The following NBEA variants were observed in gnomAD, a reference collection of about 807,000 sequenced individuals.
NBEA encodes lysosomal-trafficking regulator 2.
In NBEA, 44 loss-of-function variants were observed where a neutral mutation model predicts 343.4. The observed-to-expected ratio is 0.13, with a 90% confidence interval of 0.10 to 0.16. The LOEUF (loss-of-function observed/expected upper bound fraction) is 0.16, where lower values mean the gene tolerates loss of function less well. Ranked by LOEUF, NBEA falls within the 10% of genes least tolerant of loss-of-function variation. The probability of loss-of-function intolerance (pLI) is 1.00; values close to 1 mark genes in which losing one functional copy is unlikely to be tolerated. For missense variants in NBEA, 2,555 were observed against 3,631.3 expected (o/e 0.70, Z 7.62); for synonymous variants, 1,175 against 1,238.7 (o/e 0.95, Z 1.08).
intron 38 of NBEA, among the ~76,000 whole-genome samples, chr13:35,395,049 G>T (rs2042679809): frequency 6.6e-6 from 1 of 151,958 alleles, no homozygotes; most frequent in Admixed American, 6.6e-5. Context: ...CCGATATTTG[G>T]AGTGTTCATA....
intron 8 of NBEA, among the ~76,000 whole-genome samples, chr13:35,068,031 A>G (rs977861095): frequency 1.3e-5 from 2 of 152,106 alleles, no homozygotes; most frequent in Admixed American, 6.6e-5. Context: ...AGCATAGTAC[A>G]TGTCCGCCTT....
At chr13:35,293,864 T>C (rs2035949386) in intron 35 of NBEA, among the ~76,000 whole-genome samples, 1 of 152,066 alleles carries the variant, frequency 6.6e-6, no homozygotes, top group African/African-American at 2.4e-5. Context: ...CAGATGGCAC[T>C]TGCATTTTTC....
chr13:35,180,040 A>G (rs1206751570), intron 28 of NBEA, among the ~76,000 whole-genome samples: 1 of 151,832 alleles, frequency 6.6e-6, no homozygotes, highest in Non-Finnish European at 1.5e-5. Context: ...CCCATTAGCC[A>G]GACTGTTTTA....
At chr13:35,527,286 T>G (rs1168171947) in intron 41 of NBEA, among the ~76,000 whole-genome samples, 2 of 152,144 alleles carry the variant, frequency 1.3e-5, no homozygotes, top group Non-Finnish European at 2.9e-5. Context: ...CGGTCATCAA[T>G]GAAGTCTTCC....
intron 8 of NBEA, among the ~76,000 whole-genome samples, chr13:35,067,599 C>T (rs1222074401): frequency 6.6e-6 from 1 of 152,066 alleles, no homozygotes; most frequent in African/African-American, 2.4e-5. Flanking sequence ...TTTGCAGTCA[C>T]TCCTCATTCT....
At chr13:35,535,070 C>G (rs1445688878) in intron 41 of NBEA, among the ~76,000 whole-genome samples, 1 of 151,848 alleles carries the variant, frequency 6.6e-6, no homozygotes, top group African/African-American at 2.4e-5. Flanking sequence ...TTTTCGTTGC[C>G]TGCAAGTCGG....
At chr13:35,369,206 G>GAAAC (rs2041295369) in intron 38 of NBEA, among the ~76,000 whole-genome samples, 1 of 107,618 alleles carries the variant, frequency 9.3e-6, no homozygotes, top group African/African-American at 3.6e-5. Context: ...CACTGTTTTT[G>GAAAC]AAAATCAGTT....
chr13:35,512,169 ACAG>A (rs1227447714), intron 41 of NBEA, among the ~76,000 whole-genome samples: 3 of 152,228 alleles, frequency 2.0e-5, no homozygotes, highest in Non-Finnish European at 4.4e-5. Context: ...TGTTTGCACT[ACAG>A]GTACACAACA....
chr13:35,092,073 A>G (rs953802932), intron 10 of NBEA, among the ~76,000 whole-genome samples: 10 of 152,140 alleles, frequency 6.6e-5, no homozygotes, highest in South Asian at 6.2e-4. Context: ...GTAAACACAT[A>G]TATCAGTGAA....
intron 38 of NBEA, among the ~76,000 whole-genome samples, chr13:35,389,309 A>G (rs1463686974): frequency 6.6e-6 from 1 of 152,108 alleles, no homozygotes; most frequent in Non-Finnish European, 1.5e-5. Context: ...TAGGAAAATA[A>G]TACTTCCTTA....
Position 34,983,645 on chromosome 13 carries a change from A to G in NBEA, c.294+40531A>G, listed in dbSNP as rs1274297373. On this transcript the variant is annotated intron_variant, in intron 1 of 58. Transcript: ENST00000379939. ...TAGTTTACACTCTCACCAACAGTGT[A>G]AAATTATTCCTATTTCTCCACATCC... Among the ~76,000 whole-genome samples, 14 of 152,294 alleles carry G rather than the reference A, an allele frequency of 9.2e-5. No individual in the cohort carries two copies. The South Asian group carries it at 2.9e-3, about 32-fold the overall frequency.
intron 48 of NBEA, among the ~76,000 whole-genome samples, chr13:35,617,495 C>T (rs1751427572): frequency 6.6e-6 from 1 of 152,076 alleles, no homozygotes; most frequent in Admixed American, 6.5e-5. Context: ...CCTTGTGTGT[C>T]AACAAAAAGC....
chr13:35,397,469 A>G (rs2042798562), intron 38 of NBEA, among the ~76,000 whole-genome samples: 1 of 152,210 alleles, frequency 6.6e-6, no homozygotes, highest in South Asian at 2.1e-4. Context: ...TATTTTGTTT[A>G]CATACTCTGC....
chr13:35,032,483 T>A lies in NBEA; in HGVS notation c.295-8450T>A, dbSNP rs116487170. Among the ~76,000 whole-genome samples the A allele has an allele frequency of 9.0e-3, 1,372 of 151,832 alleles. 18 individuals carry two copies. Among genetic ancestry groups the A allele is most frequent in the African/African-American group, 0.031 (1,296 of 41,508 alleles). On this transcript the variant is annotated intron_variant, in intron 1 of 58. Transcript: ENST00000379939. ...AGTGTCTGTTCATGTCCTTTGCCCA[T>A]TTTTTAGTGGGGTTTTTTTTCTCTT...
intron 34 of NBEA, among the ~76,000 whole-genome samples, chr13:35,288,623 T>C (rs1255209501): frequency 6.6e-6 from 1 of 151,978 alleles, no homozygotes; most frequent in Non-Finnish European, 1.5e-5. Context: ...TCTTGTTGCA[T>C]AGGGTTTTTT....
chr13:35,654,861 A>C lies in NBEA; in HGVS notation c.8042A>C (p.Asn2681Thr). 2 of 1,569,416 alleles carry C rather than the reference A, an allele frequency of 1.3e-6. No individual in the cohort carries two copies. ...TTTTTCCATTTACTTTTAGCCAATA[A>C]TTCAGGTGTAAACAAACGGCAGATC... ...PIEMDPLIANNSGVNKRQITD... is the reference protein window; with the variant it reads ...PIEMDPLIANTSGVNKRQITD... Residue 2681 changes from asparagine to threonine, a missense_variant, in exon 54 of 59, where the codon AAT becomes ACT. Asn to Thr is a moderately conservative substitution (Grantham distance 65). Coordinates refer to ENST00000379939, the MANE Select transcript of NBEA (RefSeq NM_001385012.1).
chr13:34,963,274 C>T (rs980657382), intron 1 of NBEA, among the ~76,000 whole-genome samples: 7 of 151,920 alleles, frequency 4.6e-5, no homozygotes, highest in African/African-American at 7.2e-5. Flanking sequence ...TGCAGATGGC[C>T]GTCTTTTCCC....
Position 34,942,799 on chromosome 13 carries a change from C to T in NBEA, c.-22C>T, listed in dbSNP as rs2059068738. On this transcript the variant is annotated 5_prime_UTR_variant, in exon 1 of 59. Transcript: ENST00000379939. ...GCGGCGGCAGCGCCGCTGCTCTTCC[C>T]TTCTCCTCAGGAGGGGGGCCAATGG... 1.0e-5 allele frequency: 14 copies of T among 1,338,984 alleles called. No homozygotes were observed. Among genetic ancestry groups the T allele is most frequent in the East Asian group, 3.1e-5 (1 of 32,514 alleles). The allele number at this position is 1,338,984 out of a possible 1,614,324, so 82.9% of individuals were successfully genotyped here.
chr13:35,432,492 C>A, intron 39 of NBEA, 99 bp downstream of exon 39: 1 of 1,096,528 alleles, frequency 9.1e-7, no homozygotes, highest in Non-Finnish European at 1.2e-6. Flanking sequence ...ATTTAATGTT[C>A]TCCATGTCTT....
Sources: gnomAD v4.1 joint callset for allele counts (sites outside exome capture counted in the v4.1 genomes callset) on GRCh38, gnomAD v4.1.1 for gene constraint, MANE v1.5 for transcripts, NCBI Gene and HGNC (gene_info 2026-07-23, HGNC 2026-07-21) for gene names.